The following TJP2 variants were observed in gnomAD, a reference collection of about 807,000 sequenced individuals.
TJP2 encodes the protein tight junction protein 2.
In TJP2, 91 loss-of-function variants were observed where a neutral mutation model predicts 133.1. The observed-to-expected ratio is 0.68, with a 90% confidence interval of 0.58 to 0.81. The LOEUF (loss-of-function observed/expected upper bound fraction) is 0.81. Among genes scored for constraint, TJP2 ranks in the 40% least tolerant of loss-of-function variants. The probability of loss-of-function intolerance (pLI) is 0.00; values close to 1 mark genes in which losing one functional copy is unlikely to be tolerated. For synonymous variants in TJP2, 592 were observed against 583.4 expected, an observed-to-expected ratio of 1.01 and a Z score of -0.21; for missense variants, 1,541 against 1,565.6, an observed-to-expected ratio of 0.98 and a Z score of 0.26.
chr9:69,226,507 G>GT (rs571241737), intron 7 of TJP2, among the ~76,000 whole-genome samples: 37 of 151,076 alleles, frequency 2.4e-4, no homozygotes, highest in East Asian at 5.8e-4. Context: ...ATTGCTTATT[G>GT]TTTTTTTTTG....
intron 2 of TJP2, among the ~76,000 whole-genome samples, chr9:69,154,171 T>G (rs150534966): frequency 3.9e-5 from 6 of 152,218 alleles, no homozygotes; most frequent in African/African-American, 1.4e-4. Flanking sequence ...CTATACTAAT[T>G]CTACAGAGCT....
At chr9:69,185,029 C>T (rs1363493696) in intron 1 of TJP2, among the ~76,000 whole-genome samples, 2 of 150,224 alleles carry the variant, frequency 1.3e-5, no homozygotes, top group African/African-American at 2.5e-5. Context: ...GGATTATAGG[C>T]GTGAGTCACC....
intron 21 of TJP2, 78 bp downstream of exon 21, chr9:69,251,442 T>A: frequency 4.8e-6 from 7 of 1,453,084 alleles, no homozygotes; most frequent in Non-Finnish European, 6.6e-6. Context: ...AACAGCCCCT[T>A]TGCTGCTGCT....
chr9:69,145,515 C>T (rs189150805), intron 1 of TJP2: 2 of 377,654 alleles, frequency 5.3e-6, no homozygotes, highest in Admixed American at 9.1e-5. Context: ...ACTGCCATTG[C>T]AGGGAAATCT....
chr9:69,220,819 T>TA, intron 4 of TJP2, 68 bp from the exon 5 acceptor site: 1 of 1,517,726 alleles, frequency 6.6e-7, no homozygotes, highest in Non-Finnish European at 9.1e-7. Flanking sequence ...CCAGGGCTCT[T>TA]AACCACTGCC....
At chr9:69,156,624 C>T (rs1385962990) in intron 2 of TJP2, among the ~76,000 whole-genome samples, 4 of 145,342 alleles carry the variant, frequency 2.8e-5, no homozygotes, top group East Asian at 2.1e-4. Flanking sequence ...CTCCGCCTTC[C>T]GGGTTCACGC....
chr9:69,176,646 A>AC (rs1018259903), intron 1 of TJP2, among the ~76,000 whole-genome samples: 14 of 152,104 alleles, frequency 9.2e-5, no homozygotes, highest in African/African-American at 3.1e-4. Context: ...TTTTTACATC[A>AC]CCCCCGGGGG....
chr9:69,158,260 G>A (rs1823875080), intron 2 of TJP2, among the ~76,000 whole-genome samples: 1 of 149,226 alleles, frequency 6.7e-6, no homozygotes, highest in South Asian at 2.1e-4. Flanking sequence ...TCCAGGAGGT[G>A]GAGGTTGCAG....
intron 17 of TJP2, among the ~76,000 whole-genome samples, chr9:69,245,671 T>G (rs1427961046): frequency 6.6e-6 from 1 of 152,224 alleles, no homozygotes; most frequent in Non-Finnish European, 1.5e-5. Flanking sequence ...TTAATTTCAC[T>G]ACTTTACCTT....
chr9:69,171,494 A>C (rs374499069), upstream of TJP2, among the ~76,000 whole-genome samples: 10 of 151,242 alleles, frequency 6.6e-5, no homozygotes, highest in East Asian at 2.0e-4. Flanking sequence ...TTCCTTCCTT[A>C]CTTCTCTCTG....
intron 2 of TJP2, among the ~76,000 whole-genome samples, chr9:69,213,836 C>CT (rs1217330617): frequency 1.3e-5 from 2 of 152,182 alleles, no homozygotes; most frequent in Non-Finnish European, 2.9e-5. Context: ...GGAGCTGCCT[C>CT]TGTCTAAAAC....
chr9:69,230,179 G>A lies in TJP2; in HGVS notation c.1618G>A (p.Glu540Lys), dbSNP rs778164721. The A allele has an allele frequency of 1.2e-6, 2 of 1,614,194 alleles. No homozygotes were observed. The highest frequency in any genetic ancestry group is 1.7e-6 in the Non-Finnish European group (2 of 1,180,024). ...DVGIFVAGIQ[E>K]GTSAEQEGLQ... The stretch of plus-strand genomic sequence containing the variant: ...CGGGATATTTGTTGCTGGCATTCAA[G>A]AAGGGACCTCGGCGGAGCAGGAGGG... The change falls in exon 11 of 23, where the codon GAA becomes AAA. Residue 540 changes from glutamate to lysine, a missense_variant. Coordinates refer to ENST00000377245, the MANE Select transcript of TJP2 (RefSeq NM_004817.4).
At chr9:69,179,926 C>T (rs182035797) in intron 1 of TJP2, among the ~76,000 whole-genome samples, 1 of 152,284 alleles carries the variant, frequency 6.6e-6, no homozygotes, top group African/African-American at 2.4e-5. Context: ...CTTGAGTACA[C>T]ATGTTCACTA....
chr9:69,185,919 G>A (rs982007538), intron 1 of TJP2, among the ~76,000 whole-genome samples: 1 of 146,062 alleles, frequency 6.8e-6, no homozygotes, highest in Non-Finnish European at 1.5e-5. Context: ...ACGGAGTCTC[G>A]GTTGCGCCTG....
At position 69,127,776 on chromosome 9, in the gene TJP2, TGTTTGCAAGGTTTATCTATGGGAGCCGTG is replaced by T. The variant is rs1564365054; in HGVS notation, c.-131+6056_-131+6084del. 2.6e-5 allele frequency among the ~76,000 whole-genome samples: 2 copies of T among 76,292 alleles called. 1 individual carries two copies. Among genetic ancestry groups the T allele is most frequent in the Non-Finnish European group, 6.0e-5 (2 of 33,276 alleles). 50.1% of individuals were successfully genotyped at this position (76,292 alleles called of 152,430 possible). A position where few individuals can be genotyped will look rare whatever the true frequency, so the allele number is the denominator to read the frequency against. On this transcript the variant is annotated intron_variant, in intron 1 of 5. Transcript: ENST00000423935. ...ATTGTCTGGCTTCTTTGACTTAGCA[TGTTTGCAAGGTTTATCTATGGGAGCCGTG>T]GTTTACTCCAGTAATCCCACTCCTT...
intron 19 of TJP2, chr9:69,248,439 C>G: frequency 7.1e-7 from 1 of 1,417,668 alleles, no homozygotes; most frequent in Non-Finnish European, 9.2e-7. Flanking sequence ...CTTGAGGGGT[C>G]AGCACTCCGC....
intron 14 of TJP2, 24 bp downstream of exon 14, chr9:69,237,160 G>C: frequency 6.2e-7 from 1 of 1,613,618 alleles, no homozygotes; most frequent in Middle Eastern, 1.7e-4. Flanking sequence ...ATGGGGCCTG[G>C]AAATGAACTG....
At chr9:69,225,961 A>G in intron 6 of TJP2, 61 bp from the exon 7 acceptor site, 1 of 1,574,936 alleles carries the variant, frequency 6.3e-7, no homozygotes, top group South Asian at 1.1e-5. Flanking sequence ...AGGGGAAAAT[A>G]TGAATTTTCT....
chr9:69,227,743 C>A, intron 7 of TJP2, 22 bp from the exon 8 acceptor site: 1 of 1,486,274 alleles, frequency 6.7e-7, no homozygotes, highest in Non-Finnish European at 9.3e-7. Context: ...ATTTAAAAGT[C>A]TTTTCTTATT....
Sources: allele counts gnomAD v4.1 joint callset (sites outside exome capture counted in the v4.1 genomes callset), GRCh38; gene constraint gnomAD v4.1.1; transcripts MANE v1.5; gene names NCBI Gene and HGNC (gene_info 2026-07-23, HGNC 2026-07-21).